RALYL: variants seen among roughly 807,000 people sequenced by gnomAD.
The protein encoded by RALYL is RALY RNA binding protein like, also known as RNA-binding Raly-like protein.
In RALYL, 29 loss-of-function variants were observed where a neutral mutation model predicts 35.1. That is an observed-to-expected ratio of 0.83 (90% CI 0.61 to 1.13). The LOEUF (loss-of-function observed/expected upper bound fraction) is 1.13, where lower values mean the gene tolerates loss of function less well. Among genes scored for constraint, RALYL ranks in the 50% most tolerant of loss-of-function variants. The pLI is 0.00. For synonymous variants in RALYL, 120 were observed against 127.6 expected (o/e 0.94, Z 0.40); for missense variants, 359 against 360.4 (o/e 1.00, Z 0.03).
At chr8:84,422,692 A>G (rs1407104971) in intron 1 of RALYL, among the ~76,000 whole-genome samples, 2 of 142,956 alleles carry the variant, frequency 1.4e-5, no homozygotes, top group Non-Finnish European at 3.1e-5. Flanking sequence ...ATTTAGTGCT[A>G]TAAATTTCCC....
At chr8:84,892,753 A>G (rs1489990062) in intron 8 of RALYL, among the ~76,000 whole-genome samples, 1 of 152,124 alleles carries the variant, frequency 6.6e-6, no homozygotes, top group Non-Finnish European at 1.5e-5. Context: ...AAACAGAAAA[A>G]CTAAACAAAA....
At chr8:84,277,402 A>G in intron 1 of RALYL, among the ~76,000 whole-genome samples, 1 of 152,128 alleles carries the variant, frequency 6.6e-6, no homozygotes, top group East Asian at 1.9e-4. Context: ...GCTTATTATA[A>G]TTAAAGGTGA....
At chr8:84,903,525 C>T (rs561995198) in intron 8 of RALYL, among the ~76,000 whole-genome samples, 193 of 152,248 alleles carry the variant, frequency 1.3e-3, no homozygotes, top group African/African-American at 4.4e-3. Flanking sequence ...AACACACACA[C>T]ATATGAGGGA....
At chr8:84,317,208 G>A (rs558767714) in intron 1 of RALYL, among the ~76,000 whole-genome samples, 41 of 149,200 alleles carry the variant, frequency 2.7e-4, no homozygotes, top group African/African-American at 8.5e-4. Context: ...ACAGCAAAGA[G>A]ATTGAAAACA....
chr8:84,316,403 A>G (rs1263615581), intron 1 of RALYL, among the ~76,000 whole-genome samples: 16 of 152,270 alleles, frequency 1.1e-4, no homozygotes, highest in Admixed American at 9.2e-4. Context: ...AAGCTAAATT[A>G]TATTTCCATA....
intron 8 of RALYL, among the ~76,000 whole-genome samples, chr8:84,897,677 T>A (rs1194581864): frequency 6.6e-6 from 1 of 152,192 alleles, no homozygotes; most frequent in African/African-American, 2.4e-5. Context: ...ACCGAGTATG[T>A]GAGAAGCCTT....
At chr8:84,578,859 T>C (rs148432312) in intron 2 of RALYL, among the ~76,000 whole-genome samples, 1 of 152,106 alleles carries the variant, frequency 6.6e-6, no homozygotes, top group African/African-American at 2.4e-5. Context: ...AGGGAGGAAG[T>C]GCATGCTGAT....
At chr8:84,571,904 A>C (rs747526518) in intron 2 of RALYL, among the ~76,000 whole-genome samples, 8 of 151,774 alleles carry the variant, frequency 5.3e-5, no homozygotes, top group Non-Finnish European at 8.8e-5. Context: ...TTTAGTTTTC[A>C]TGCATTTTTG....
At chr8:84,398,864 C>T (rs2042600684) in intron 1 of RALYL, among the ~76,000 whole-genome samples, 1 of 151,686 alleles carries the variant, frequency 6.6e-6, no homozygotes, top group Non-Finnish European at 1.5e-5. Flanking sequence ...GTCCCAGCTA[C>T]TCGGGAGGCT....
At position 84,551,806 on chromosome 8, in the gene RALYL, A is replaced by G. The variant is rs192945285; in HGVS notation, c.256+22229A>G. On this transcript the variant is annotated intron_variant, in intron 2 of 8. Transcript: ENST00000521268. The stretch of plus-strand genomic sequence containing the variant: ...CATGGTGCTGAATAAATATTCATTG[A>G]AATAAAGCTATGCCATTTTTACCCT... 7.9e-5 allele frequency among the ~76,000 whole-genome samples: 12 copies of G among 152,280 alleles called. No individual in the cohort carries two copies. The East Asian group carries it at 1.5e-3, about 20-fold the overall frequency.
At chr8:84,336,875 A>G (rs1206636740) in intron 1 of RALYL, among the ~76,000 whole-genome samples, 1 of 151,898 alleles carries the variant, frequency 6.6e-6, no homozygotes, top group African/African-American at 2.4e-5. Flanking sequence ...CTTGCTGCAC[A>G]TTTAGTTGAG....
At chr8:84,516,254 T>C (rs1011552507) in intron 1 of RALYL, among the ~76,000 whole-genome samples, 27 of 151,294 alleles carry the variant, frequency 1.8e-4, no homozygotes, top group Non-Finnish European at 4.0e-4. Flanking sequence ...CATATACACA[T>C]AGAGTTTATA....
intron 4 of RALYL, among the ~76,000 whole-genome samples, chr8:84,839,820 T>C (rs1005162385): frequency 2.6e-5 from 4 of 152,214 alleles, no homozygotes; most frequent in African/African-American, 9.6e-5. Context: ...CAATATCTGC[T>C]GTTCTGCAGC....
intron 2 of RALYL, among the ~76,000 whole-genome samples, chr8:84,545,998 G>T (rs1358645698): frequency 6.6e-6 from 1 of 152,114 alleles, no homozygotes; most frequent in Non-Finnish European, 1.5e-5. Flanking sequence ...TGATTTTGCA[G>T]TAAATTTTCT....
chr8:84,433,105 T>C (rs16912833), intron 1 of RALYL, among the ~76,000 whole-genome samples: 2,521 of 152,236 alleles, frequency 0.017, 69 homozygotes, highest in African/African-American at 0.057. Flanking sequence ...TCTGTGCTTA[T>C]GGGAAACTTT....
chr8:84,296,564 C>T, intron 1 of RALYL, among the ~76,000 whole-genome samples: 1 of 150,164 alleles, frequency 6.7e-6, no homozygotes, highest in East Asian at 2.0e-4. Flanking sequence ...CATGCCGAGT[C>T]ACAAGAAAGG....
intron 3 of RALYL, among the ~76,000 whole-genome samples, chr8:84,778,923 G>A (rs952657431): frequency 9.9e-5 from 15 of 152,024 alleles, no homozygotes; most frequent in African/African-American, 2.9e-4. Flanking sequence ...GTGTAAGATC[G>A]AGGAAAGGGA....
chr8:84,579,894 A>G (rs1056497343), intron 2 of RALYL, among the ~76,000 whole-genome samples: 1 of 152,228 alleles, frequency 6.6e-6, no homozygotes, highest in Non-Finnish European at 1.5e-5. Context: ...AACTTTTCTT[A>G]GGAACCAAAA....
chr8:84,675,227 C>G (rs1833963672), intron 2 of RALYL, among the ~76,000 whole-genome samples: 1 of 152,028 alleles, frequency 6.6e-6, no homozygotes, highest in Non-Finnish European at 1.5e-5. Flanking sequence ...TTAAAATATG[C>G]TTATTAAATG....
Sources: allele counts gnomAD v4.1 joint callset (sites outside exome capture counted in the v4.1 genomes callset), GRCh38; gene constraint gnomAD v4.1.1; transcripts MANE v1.5; gene names NCBI Gene and HGNC (gene_info 2026-07-23, HGNC 2026-07-21).